Variants in SESTD1 observed in about 807,000 individuals in gnomAD.
SESTD1 encodes the protein SEC14 and spectrin domain containing 1.
Under a neutral mutation model 101.7 loss-of-function variants are expected in SESTD1, and 43 were observed. The observed-to-expected ratio is 0.42, with a 90% CI of 0.33 to 0.55. The LOEUF is 0.55. Among genes scored for constraint, SESTD1 ranks in the 20% least tolerant of loss-of-function variants. The pLI is 0.07. For missense variants in SESTD1, 647 were observed against 815.1 expected, an observed-to-expected ratio of 0.79 and a Z score of 2.51; for synonymous variants, 283 against 286.8, an observed-to-expected ratio of 0.99 and a Z score of 0.13.
At position 179,143,593 on chromosome 2, in the gene SESTD1, T is replaced by C. The variant is rs573509613; in HGVS notation, c.848A>G (p.Gln283Arg). The C allele has an allele frequency of 6.2e-7, 1 of 1,613,384 alleles. No homozygotes were observed. Among genetic ancestry groups the C allele is most frequent in the East Asian group, 2.2e-5 (1 of 44,866 alleles). Residue 283 changes from glutamine to arginine, a missense_variant and splice_region_variant, in exon 9 of 18, where the codon CAG becomes CGG. By Grantham distance (43) the Gln-to-Arg change is conservative (BLOSUM62 1). Transcript: ENST00000428443. ...QLEEIQQKVM[Q>R]VVNWLEGPGS... is the part of the protein sequence containing the mutation. ...AATATATTCAAATCAGACACCTACC[T>C]GCATTACCTTCTGTTGAATCTCTTC... is the stretch of plus-strand genomic sequence containing the variant.
chr2:179,229,749 T>TTATATATATATA (rs71023472), intron 1 of SESTD1, among the ~76,000 whole-genome samples: 1,862 of 106,250 alleles, frequency 0.018, 45 homozygotes, highest in Middle Eastern at 0.04. Context: ...TTGTAAGAAC[T>TTATATATATATA]TATATATATA....
chr2:179,143,985 T>C (rs1241338126), intron 8 of SESTD1, among the ~76,000 whole-genome samples, 182 bp from the exon 9 acceptor site: 1 of 151,032 alleles, frequency 6.6e-6, no homozygotes, highest in African/African-American at 2.4e-5. Flanking sequence ...TATTAATATA[T>C]ATATGTGTGT....
rs1310562873 is a variant in SESTD1, at chr2:179,207,378, G to A, written c.-25-15512C>T. Among the ~76,000 whole-genome samples the A allele has an allele frequency of 1.5e-5, 2 of 135,098 alleles. 1 individual carries two copies. The highest frequency in any genetic ancestry group is 3.2e-5 in the Non-Finnish European group (2 of 62,774). 88.6% of individuals were successfully genotyped at this position (135,098 alleles called of 152,430 possible). On this transcript the variant is annotated intron_variant, in intron 1 of 17. Coordinates refer to ENST00000428443, the MANE Select transcript of SESTD1 (RefSeq NM_178123.5). ...CCTGCAACACTCTGGCTAAACCGAGGTCCTGATTCTGTCCACATGACAACT... is the reference window on the plus strand; with the variant it reads ...CCTGCAACACTCTGGCTAAACCGAGATCCTGATTCTGTCCACATGACAACT...
chr2:179,224,937 G>C (rs749614696), intron 1 of SESTD1, among the ~76,000 whole-genome samples: 1 of 152,144 alleles, frequency 6.6e-6, no homozygotes, highest in Non-Finnish European at 1.5e-5. Flanking sequence ...ATGTTTCCCT[G>C]AGTTCTGTGA....
intron 1 of SESTD1, among the ~76,000 whole-genome samples, chr2:179,219,505 G>T (rs772445252): frequency 5.9e-5 from 9 of 152,152 alleles, no homozygotes; most frequent in Non-Finnish European, 1.3e-4. Flanking sequence ...ATTTCCAGAA[G>T]AAATACTATA....
At position 179,201,109 on chromosome 2, in the gene SESTD1, G is replaced by A. The variant is rs573658883; in HGVS notation, c.-25-9243C>T. On this transcript the variant is annotated intron_variant, in intron 1 of 17. Coordinates refer to ENST00000428443, the MANE Select transcript of SESTD1 (RefSeq NM_178123.5). Reference sequence around the variant, plus strand: ...CAAACAACCCCATCAAAAAGTGGGCGAAGGACATGAACAGACACTTCTCAA... The same window carrying A: ...CAAACAACCCCATCAAAAAGTGGGCAAAGGACATGAACAGACACTTCTCAA... 3.3e-4 allele frequency among the ~76,000 whole-genome samples: 44 copies of A among 134,242 alleles called. 8 individuals carry two copies. The highest frequency in any genetic ancestry group is 5.6e-4 in the Non-Finnish European group (35 of 62,528). The allele number at this position is 134,242 out of a possible 152,430, so 88.1% of individuals were successfully genotyped here. A position where few individuals can be genotyped will look rare whatever the true frequency, so the allele number is the denominator to read the frequency against.
intron 1 of SESTD1, among the ~76,000 whole-genome samples, chr2:179,217,959 G>A (rs1280804221): frequency 1.3e-5 from 2 of 150,514 alleles, no homozygotes; most frequent in Non-Finnish European, 3.0e-5. Context: ...GGCGGGGAAC[G>A]TCACACACTG....
At chr2:179,242,218 T>C (rs891310567) in intron 1 of SESTD1, among the ~76,000 whole-genome samples, 5 of 151,986 alleles carry the variant, frequency 3.3e-5, no homozygotes, top group Non-Finnish European at 2.9e-5. Flanking sequence ...CCATTTACAA[T>C]AGCCACACAC....
rs1051184464 is a variant in SESTD1 at position 179,101,952 on chromosome 2, T to G, written c.*7947A>C. The G allele has an allele frequency of 1.3e-5, 2 of 152,182 alleles. No homozygotes were observed. Among genetic ancestry groups the G allele is most frequent in the Admixed American group, 1.3e-4 (2 of 15,264 alleles). The allele number at this position is 152,182 out of a possible 1,614,324, so 9.4% of individuals were successfully genotyped here. On this transcript the variant is annotated 3_prime_UTR_variant, in exon 18 of 18. Coordinates refer to ENST00000428443, the MANE Select transcript of SESTD1 (RefSeq NM_178123.5). ...ATAAGGCTTGCCAATTTCCAAAGTC[T>G]GGCAGTCCAAAATCCTTAGTAGCCA...
intron 2 of SESTD1, among the ~76,000 whole-genome samples, chr2:179,191,475 T>G (rs965117623): frequency 6.6e-6 from 1 of 152,050 alleles, no homozygotes; most frequent in Non-Finnish European, 1.5e-5. Context: ...ACCTACTGGG[T>G]ATTATGGTCA....
At chr2:179,234,946 A>T (rs1039787390) in intron 1 of SESTD1, among the ~76,000 whole-genome samples, 5 of 133,072 alleles carry the variant, frequency 3.8e-5, no homozygotes, top group Non-Finnish European at 6.4e-5. Context: ...TCATCTCTTT[A>T]AAAAAAAAAA....
chr2:179,238,222 G>C (rs542178671), intron 1 of SESTD1, among the ~76,000 whole-genome samples: 1 of 152,078 alleles, frequency 6.6e-6, no homozygotes, highest in Non-Finnish European at 1.5e-5. Flanking sequence ...GGAGGAAGAG[G>C]ATAGGTTGGC....
At chr2:179,225,146 G>T (rs2046866354) in intron 1 of SESTD1, among the ~76,000 whole-genome samples, 1 of 152,112 alleles carries the variant, frequency 6.6e-6, no homozygotes, top group Non-Finnish European at 1.5e-5. Flanking sequence ...TAAATTACAG[G>T]ATACCCAGTT....
At chr2:179,249,045 C>T (rs1226923900) in intron 1 of SESTD1, among the ~76,000 whole-genome samples, 23 of 146,310 alleles carry the variant, frequency 1.6e-4, no homozygotes, top group East Asian at 9.9e-4. Context: ...GAGCCATGAT[C>T]GCATCACTGC....
chr2:179,164,064 TTGTA>T (rs962334263), intron 5 of SESTD1, among the ~76,000 whole-genome samples: 9 of 152,202 alleles, frequency 5.9e-5, no homozygotes, highest in African/African-American at 1.2e-4. Context: ...AAATCTGCCT[TTGTA>T]TGTATTTCTG....
chr2:179,177,615 G>A (rs2046033584), intron 3 of SESTD1, among the ~76,000 whole-genome samples: 1 of 152,126 alleles, frequency 6.6e-6, no homozygotes, highest in Admixed American at 6.5e-5. Flanking sequence ...CAAGAAATGA[G>A]GATGATATTG....
intron 1 of SESTD1, among the ~76,000 whole-genome samples, chr2:179,227,591 T>C (rs888788353): frequency 1.3e-5 from 2 of 152,330 alleles, no homozygotes; most frequent in Middle Eastern, 6.8e-3. Flanking sequence ...CAAAATCTAA[T>C]ATTTAAAAAT....
Position 179,110,046 on chromosome 2 carries a change from C to T in SESTD1, c.1962-18G>A. ...GTTCGGTTCTAAAAATCAAAACACACAGAAAAACCTCAGATTAATACAAAT... is the reference window on the plus strand; with the variant it reads ...GTTCGGTTCTAAAAATCAAAACACATAGAAAAACCTCAGATTAATACAAAT... On this transcript the variant is annotated intron_variant, in intron 17 of 17. Coordinates refer to ENST00000428443, the MANE Select transcript of SESTD1 (RefSeq NM_178123.5). 2 of 1,611,314 alleles carry T rather than the reference C, an allele frequency of 1.2e-6. No homozygotes were observed. The highest frequency in any genetic ancestry group is 2.2e-5 in the South Asian group (2 of 90,746).
intron 4 of SESTD1, among the ~76,000 whole-genome samples, chr2:179,176,123 G>C (rs577357870): frequency 3.7e-4 from 56 of 152,290 alleles, no homozygotes; most frequent in Non-Finnish European, 5.4e-4. Flanking sequence ...ACAGACACCA[G>C]AGCATGCAAG....
Sources: gnomAD v4.1 joint callset for allele counts (sites outside exome capture counted in the v4.1 genomes callset) on GRCh38, gnomAD v4.1.1 for gene constraint, MANE v1.5 for transcripts, NCBI Gene and HGNC (gene_info 2026-07-23, HGNC 2026-07-21) for gene names.